DPP10: variants seen among roughly 807,000 people sequenced by gnomAD.
DPP10 encodes the protein dipeptidyl peptidase like 10.
Under a neutral mutation model 120.9 loss-of-function variants are expected in DPP10, and 33 were observed. That is an observed-to-expected ratio of 0.27 (90% CI 0.21 to 0.37). The LOEUF is 0.37. Among genes scored for constraint, DPP10 ranks in the 10% least tolerant of loss-of-function variants. The probability of loss-of-function intolerance (pLI) is 1.00; values close to 1 mark genes in which losing one functional copy is unlikely to be tolerated. For synonymous variants in DPP10, 337 were observed against 326.1 expected (o/e 1.03, Z -0.36); for missense variants, 816 against 942.8 (o/e 0.87, Z 1.76).
chr2:114,649,484 G>T (rs548815532), intron 1 of DPP10, among the ~76,000 whole-genome samples: 1 of 152,074 alleles, frequency 6.6e-6, no homozygotes, highest in South Asian at 2.1e-4. Context: ...GAGTAGCTGG[G>T]ACTACAGGCA....
At chr2:115,125,543 A>G (rs1573704449) in intron 1 of DPP10, among the ~76,000 whole-genome samples, 1 of 148,924 alleles carries the variant, frequency 6.7e-6, no homozygotes, top group Non-Finnish European at 1.5e-5. Context: ...ATAGTGAGCC[A>G]CCTAAGTTCA....
At chr2:114,954,897 A>AC (rs1189467344) in intron 1 of DPP10, among the ~76,000 whole-genome samples, 6 of 152,214 alleles carry the variant, frequency 3.9e-5, no homozygotes, top group Non-Finnish European at 7.3e-5. Flanking sequence ...TGTATAAACT[A>AC]CAAAGATCAA....
intron 11 of DPP10, among the ~76,000 whole-genome samples, chr2:115,755,439 T>C (rs768499396): frequency 1.1e-4 from 16 of 152,044 alleles, no homozygotes; most frequent in African/African-American, 2.2e-4. Flanking sequence ...TTAGTAAATA[T>C]TGCTGGAAAA....
rs1028107849 is a variant in DPP10 at position 115,006,242 on chromosome 2, G to A, written c.61-302997G>A. Among the ~76,000 whole-genome samples, 6 of 151,972 alleles carry A rather than the reference G, an allele frequency of 3.9e-5. 1 individual carries two copies. The South Asian group carries it at 6.3e-4, about 16-fold the overall frequency. On this transcript the variant is annotated intron_variant, in intron 1 of 25. Transcript: ENST00000410059. The stretch of plus-strand genomic sequence containing the variant: ...GCATTAAACATGGAAAGGAACAACC[G>A]GTACCAGACACTGCAAAATCATGTC...
chr2:115,525,997 A>T lies in DPP10; in HGVS notation c.441+25A>T, dbSNP rs76792838. 8.3e-4 allele frequency: 1,311 copies of T among 1,577,108 alleles called. 15 individuals carry two copies. The East Asian group carries it at 0.024, about 29-fold the overall frequency. The stretch of plus-strand genomic sequence containing the variant: ...GGTAAAGGAGTGATCTTCTTTGAGA[A>T]TACTTTTCTTTGTGATGCATTGGGG... On this transcript the variant is annotated intron_variant, in intron 5 of 25. Transcript: ENST00000410059.
intron 5 of DPP10, among the ~76,000 whole-genome samples, chr2:115,646,448 G>A (rs2087266256): frequency 6.6e-6 from 1 of 152,044 alleles, no homozygotes; most frequent in Non-Finnish European, 1.5e-5. Flanking sequence ...AAGAGATAAG[G>A]CAACAAAGAT....
Position 115,036,467 on chromosome 2 carries a change from A to G in DPP10, c.61-272772A>G, listed in dbSNP as rs539737115. ...TTATTATTTTGTTATTATAAGAGCAAGAATTTTTAGTCCAATTATTACAGT... is the reference window on the plus strand; with the variant it reads ...TTATTATTTTGTTATTATAAGAGCAGGAATTTTTAGTCCAATTATTACAGT... On this transcript the variant is annotated intron_variant, in intron 1 of 25. Transcript: ENST00000410059. Among the ~76,000 whole-genome samples, 46 of 152,346 alleles carry G rather than the reference A, an allele frequency of 3.0e-4. No homozygotes were observed. The South Asian group carries it at 9.3e-3, about 31-fold the overall frequency.
chr2:114,521,867 G>A (rs1454362587), intron 1 of DPP10, among the ~76,000 whole-genome samples: 1 of 148,972 alleles, frequency 6.7e-6, no homozygotes, highest in East Asian at 2.0e-4. Context: ...GAGTGCAGTG[G>A]CGCAATCTCG....
At chr2:114,594,431 A>C in intron 1 of DPP10, among the ~76,000 whole-genome samples, 1 of 148,448 alleles carries the variant, frequency 6.7e-6, no homozygotes, top group Admixed American at 6.8e-5. Context: ...CATATATGTA[A>C]AAGGGAGCTT....
intron 1 of DPP10, among the ~76,000 whole-genome samples, chr2:114,861,098 A>C (rs1360451240): frequency 6.6e-6 from 1 of 152,200 alleles, no homozygotes; most frequent in Admixed American, 6.5e-5. Flanking sequence ...TTGTGTGTAG[A>C]TACTGTATTA....
intron 5 of DPP10, among the ~76,000 whole-genome samples, chr2:115,638,885 G>T (rs986822218): frequency 6.6e-6 from 1 of 152,206 alleles, no homozygotes; most frequent in African/African-American, 2.4e-5. Flanking sequence ...GTTTAAGGGG[G>T]ACTGGGATGA....
chr2:115,372,617 G>A (rs192765164), intron 3 of DPP10, among the ~76,000 whole-genome samples: 86 of 152,214 alleles, frequency 5.6e-4, no homozygotes, highest in African/African-American at 1.1e-3. Context: ...CCTTACTTGC[G>A]GTAACTGGCT....
At chr2:115,591,399 T>C (rs2082652215) in intron 5 of DPP10, among the ~76,000 whole-genome samples, 1 of 152,254 alleles carries the variant, frequency 6.6e-6, no homozygotes, top group African/African-American at 2.4e-5. Flanking sequence ...CAGCACCATT[T>C]ATTAAATAGG....
intron 1 of DPP10, among the ~76,000 whole-genome samples, chr2:115,025,809 G>T (rs1703418837): frequency 6.6e-6 from 1 of 151,970 alleles, no homozygotes; most frequent in Non-Finnish European, 1.5e-5. Flanking sequence ...TCTTCTTTGA[G>T]AAATGTTTTA....
rs547188746 is a variant in DPP10 at position 114,856,766 on chromosome 2, T to C, written c.60+413928T>C. 3.0e-4 allele frequency among the ~76,000 whole-genome samples: 46 copies of C among 152,328 alleles called. No homozygotes were observed. The South Asian group carries it at 5.4e-3, about 18-fold the overall frequency. On this transcript the variant is annotated intron_variant, in intron 1 of 25. Coordinates refer to ENST00000410059, the MANE Select transcript of DPP10 (RefSeq NM_020868.6). ...GAGCAGGAGAGTTGCTTCTGTTTTT[T>C]ATCTTAGCGGTGGCCATATGGGTAT...
At chr2:115,783,607 G>T (rs1299533288) in intron 17 of DPP10, among the ~76,000 whole-genome samples, 2 of 152,150 alleles carry the variant, frequency 1.3e-5, no homozygotes, top group Admixed American at 1.3e-4. Flanking sequence ...GTGGCTGAAA[G>T]ATGGTTTAGC....
At chr2:114,952,728 C>T (rs183235225) in intron 1 of DPP10, among the ~76,000 whole-genome samples, 1 of 152,134 alleles carries the variant, frequency 6.6e-6, no homozygotes, top group East Asian at 1.9e-4. Context: ...GGAAAAAATA[C>T]ACACAAGATA....
At chr2:115,273,817 G>T (rs1386794967) in intron 1 of DPP10, among the ~76,000 whole-genome samples, 1 of 152,202 alleles carries the variant, frequency 6.6e-6, no homozygotes, top group African/African-American at 2.4e-5. Flanking sequence ...GATTGAATTT[G>T]GAACGAGGCC....
At chr2:115,718,225 T>A (rs1425663900) in intron 7 of DPP10, among the ~76,000 whole-genome samples, 1 of 152,016 alleles carries the variant, frequency 6.6e-6, no homozygotes, top group Non-Finnish European at 1.5e-5. Context: ...ACAGGTACAC[T>A]GACCAATATC....
Sources: allele counts gnomAD v4.1 joint callset (sites outside exome capture counted in the v4.1 genomes callset), GRCh38; gene constraint gnomAD v4.1.1; transcripts MANE v1.5; gene names NCBI Gene and HGNC (gene_info 2026-07-23, HGNC 2026-07-21).